The following SGCD variants were observed in gnomAD, a reference collection of about 807,000 sequenced individuals.
SGCD encodes sarcoglycan delta.
SGCD carries 18 observed loss-of-function variants against 36.6 expected under a neutral mutation model. The ratio of observed to expected loss-of-function variants is 0.49; its 90% CI spans 0.34 to 0.73. The LOEUF (loss-of-function observed/expected upper bound fraction) is 0.73. SGCD is among the 30% of genes least tolerant of loss of function. SGCD has a pLI of 0.01. For synonymous variants in SGCD, 133 were observed against 130.6 expected (o/e 1.02, Z -0.12); for missense variants, 387 against 346.7 (o/e 1.12, Z -0.92).
chr5:156,208,894 C>T (rs1025179437), intron 3 of SGCD, among the ~76,000 whole-genome samples: 1 of 152,134 alleles, frequency 6.6e-6, no homozygotes. Flanking sequence ...ATTATAGCAC[C>T]TACATGTAGC....
intron 1 of SGCD, among the ~76,000 whole-genome samples, chr5:155,874,159 C>T (rs1306768014): frequency 6.6e-6 from 1 of 152,088 alleles, no homozygotes; most frequent in African/African-American, 2.4e-5. Context: ...GAGAATTCCT[C>T]ATCCTATTAA....
chr5:156,348,652 A>G (rs1357420726), intron 3 of SGCD, among the ~76,000 whole-genome samples: 2 of 152,224 alleles, frequency 1.3e-5, no homozygotes, highest in Admixed American at 6.5e-5. Context: ...TGAATGACTC[A>G]TTATCATGAA....
intron 3 of SGCD, among the ~76,000 whole-genome samples, chr5:156,313,132 C>T (rs1767431773): frequency 6.6e-6 from 1 of 151,952 alleles, no homozygotes; most frequent in Non-Finnish European, 1.5e-5. Flanking sequence ...TTTCCCTCTG[C>T]CTTCTTGTCT....
rs1323263996 is a variant in SGCD at position 156,736,794 on chromosome 5, G to GATT, written c.576-20777_576-20775dup. Among the ~76,000 whole-genome samples, 5 of 152,256 alleles carry GATT rather than the reference G, an allele frequency of 3.3e-5. No individual in the cohort carries two copies. The East Asian group carries it at 9.6e-4, about 29-fold the overall frequency. On this transcript the variant is annotated intron_variant, in intron 7 of 8. Transcript: ENST00000337851. ...GCATCGTTGGTGTTCACTACATAGT[G>GATT]ATTATTATTATTGAATGTAATCACT... is the stretch of plus-strand genomic sequence containing the variant.
At chr5:156,173,615 A>G (rs981095930) in intron 3 of SGCD, among the ~76,000 whole-genome samples, 1 of 152,278 alleles carries the variant, frequency 6.6e-6, no homozygotes, top group African/African-American at 2.4e-5. Context: ...TTTTTACATC[A>G]CTATTTTTAT....
chr5:156,365,377 G>A (rs1770039264), intron 3 of SGCD, among the ~76,000 whole-genome samples: 1 of 152,144 alleles, frequency 6.6e-6, no homozygotes, highest in South Asian at 2.1e-4. Context: ...CTACATTAAT[G>A]GACACAGTTG....
chr5:155,961,951 G>T (rs371048648), intron 1 of SGCD, among the ~76,000 whole-genome samples: 3 of 151,912 alleles, frequency 2.0e-5, no homozygotes, highest in Non-Finnish European at 4.4e-5. Flanking sequence ...AAATAATTAC[G>T]GTCTGAAGAC....
chr5:156,444,932 A>C (rs956754098), intron 3 of SGCD, among the ~76,000 whole-genome samples: 2 of 152,204 alleles, frequency 1.3e-5, no homozygotes, highest in Non-Finnish European at 2.9e-5. Context: ...TGGTGGTTGC[A>C]TATTAAAGAT....
intron 3 of SGCD, among the ~76,000 whole-genome samples, chr5:156,160,348 T>A (rs943261248): frequency 1.5e-4 from 22 of 151,628 alleles, no homozygotes; most frequent in African/African-American, 5.1e-4. Context: ...TCTTCCGAGT[T>A]TTTCTATTAA....
chr5:156,299,297 G>A (rs549291675), intron 3 of SGCD, among the ~76,000 whole-genome samples: 7 of 152,170 alleles, frequency 4.6e-5, no homozygotes, highest in East Asian at 1.9e-4. Context: ...CCACTTGTCT[G>A]TGTATCTGTT....
At chr5:156,024,879 A>T (rs1759191723) in intron 1 of SGCD, among the ~76,000 whole-genome samples, 1 of 148,896 alleles carries the variant, frequency 6.7e-6, no homozygotes, top group Non-Finnish European at 1.5e-5. Context: ...AATTGCTTGA[A>T]CCCTGGAGGC....
chr5:156,278,362 G>C (rs1375493975), intron 3 of SGCD, among the ~76,000 whole-genome samples: 2 of 152,120 alleles, frequency 1.3e-5, no homozygotes, highest in Admixed American at 6.6e-5. Flanking sequence ...TATTCTGGTT[G>C]CTCTTGCCTG....
chr5:156,635,070 TA>T (rs1762774525), intron 6 of SGCD, among the ~76,000 whole-genome samples: 1 of 151,508 alleles, frequency 6.6e-6, no homozygotes, highest in Non-Finnish European at 1.5e-5. Context: ...AAAAAAATTT[TA>T]AAAATTAACC....
intron 4 of SGCD, among the ~76,000 whole-genome samples, chr5:156,575,357 C>G (rs1759892665): frequency 6.6e-6 from 1 of 152,192 alleles, no homozygotes; most frequent in African/African-American, 2.4e-5. Flanking sequence ...CCCTAACTGT[C>G]CAACCAGTGC....
intron 3 of SGCD, among the ~76,000 whole-genome samples, chr5:156,441,912 T>C (rs1351262474): frequency 1.3e-5 from 2 of 152,144 alleles, no homozygotes; most frequent in East Asian, 3.9e-4. Context: ...GTGGAAGAAA[T>C]GACTGTGACT....
chr5:156,535,161 A>AT (rs1182160898), intron 4 of SGCD, among the ~76,000 whole-genome samples: 4 of 152,006 alleles, frequency 2.6e-5, no homozygotes, highest in African/African-American at 7.2e-5. Context: ...TTTGTCAGAG[A>AT]TTTTTTTTCA....
chr5:156,141,086 C>T (rs1581124556), intron 3 of SGCD, among the ~76,000 whole-genome samples: 1 of 152,270 alleles, frequency 6.6e-6, no homozygotes, highest in South Asian at 2.1e-4. Context: ...AAGGTATAAA[C>T]CAAAAATCTT....
the SGCD span, among the ~76,000 whole-genome samples, chr5:155,822,369 C>A: frequency 1.3e-5 from 2 of 152,190 alleles, no homozygotes; most frequent in African/African-American, 2.4e-5. Context: ...GCCCCTACTG[C>A]CCTCTCCTGG....
At chr5:156,169,842 A>G (rs1368949342) in intron 3 of SGCD, among the ~76,000 whole-genome samples, 3 of 152,068 alleles carry the variant, frequency 2.0e-5, no homozygotes, top group Non-Finnish European at 4.4e-5. Context: ...TCAATGAGTA[A>G]GGGGGAGTTG....
Sources: gnomAD v4.1 joint callset for allele counts (sites outside exome capture counted in the v4.1 genomes callset) on GRCh38, gnomAD v4.1.1 for gene constraint, MANE v1.5 for transcripts, NCBI Gene and HGNC (gene_info 2026-07-23, HGNC 2026-07-21) for gene names.